Variants in SV2B observed in about 807,000 individuals in gnomAD.
SV2B encodes the protein solute carrier family 22 member B2.
SV2B carries 41 observed loss-of-function variants against 73.9 expected under a neutral mutation model. The observed-to-expected ratio is 0.56, with a 90% CI of 0.43 to 0.72. The LOEUF (loss-of-function observed/expected upper bound fraction) is 0.72. Among genes scored for constraint, SV2B ranks in the 30% least tolerant of loss-of-function variants. The pLI, the probability that SV2B is intolerant of heterozygous loss-of-function variation, is 0.00. For synonymous variants in SV2B, 314 were observed against 314.2 expected, an observed-to-expected ratio of 1.00 and a Z score of 0.01; for missense variants, 764 against 857.8, an observed-to-expected ratio of 0.89 and a Z score of 1.37.
At chr15:91,275,596 G>A (rs776625579) in intron 9 of SV2B, among the ~76,000 whole-genome samples, 15 of 152,188 alleles carry the variant, frequency 9.9e-5, no homozygotes, top group Non-Finnish European at 1.9e-4. Context: ...AGGCCAAGGT[G>A]GGCGGAATGC....
chr15:91,164,489 C>T (rs898469493), intron 1 of SV2B, among the ~76,000 whole-genome samples: 1 of 152,054 alleles, frequency 6.6e-6, no homozygotes, highest in Non-Finnish European at 1.5e-5. Context: ...TGTCTCTGAC[C>T]TCTACACCCA....
chr15:91,252,953 G>C lies in SV2B; in HGVS notation c.784+433G>C, dbSNP rs2047547659. On this transcript the variant is annotated intron_variant, in intron 4 of 12. Transcript: ENST00000394232. This position sits in a 1 kb window ranked among gnomAD's most constrained non-coding sequence, Gnocchi z 4.6. ...GGCCATGTCCCTGGCATGTGGTGGA[G>C]TGGGGGCTGGAGTCCTGATGTCCCC... Among the ~76,000 whole-genome samples, 4 of 152,210 alleles carry C rather than the reference G, an allele frequency of 2.6e-5. No homozygotes were observed. The highest frequency in any genetic ancestry group is 7.2e-5 in the African/African-American group (3 of 41,450).
rs1370991661 is a variant in SV2B at position 91,295,380 on chromosome 15, A to G, written c.*2828A>G. The G allele has an allele frequency of 6.6e-6, 1 of 152,248 alleles. No homozygotes were observed. The highest frequency in any genetic ancestry group is 2.4e-5 in the African/African-American group (1 of 41,456). The allele number at this position is 152,248 out of a possible 1,614,324, so 9.4% of individuals were successfully genotyped here. A position where few individuals can be genotyped will look rare whatever the true frequency, so the allele number is the denominator to read the frequency against. ...GTTCCCTCCTACGTTGTGTTAGTTC[A>G]TTAAAACTAAATAATAAAAATAACT... On this transcript the variant is annotated 3_prime_UTR_variant, in exon 13 of 13. Transcript: ENST00000394232.
At position 91,298,632 on chromosome 15, in the gene SV2B, C is replaced by T. The variant is rs1393676148; in HGVS notation, c.*6080C>T. The T allele has an allele frequency of 2.0e-5, 3 of 152,322 alleles. No homozygotes were observed. The East Asian group carries it at 5.8e-4, about 29-fold the overall frequency. 9.4% of individuals were successfully genotyped at this position (152,322 alleles called of 1,614,324 possible). ...AAGGTTCAGTTTATGAGCTGGAGCA[C>T]AAGGATTTACTGTCATTTCACCTGA... On this transcript the variant is annotated 3_prime_UTR_variant, in exon 13 of 13. Transcript: ENST00000394232. This position sits in a 1 kb window ranked among gnomAD's most constrained non-coding sequence, Gnocchi z 5.4.
intron 1 of SV2B, among the ~76,000 whole-genome samples, chr15:91,158,836 A>G (rs2043609344): frequency 6.6e-6 from 1 of 150,404 alleles, no homozygotes; most frequent in Non-Finnish European, 1.5e-5. Flanking sequence ...ATTTTGCACA[A>G]TGTTACCCCC....
intron 1 of SV2B, among the ~76,000 whole-genome samples, chr15:91,160,767 A>T (rs1181095623): frequency 1.3e-5 from 2 of 152,190 alleles, no homozygotes; most frequent in Non-Finnish European, 2.9e-5. Context: ...AAATCAGTGG[A>T]GTTACTGTTA....
intron 1 of SV2B, among the ~76,000 whole-genome samples, chr15:91,211,546 C>G (rs1274127337): frequency 1.3e-5 from 2 of 150,832 alleles, no homozygotes; most frequent in Non-Finnish European, 3.0e-5. Context: ...CTCTGTCGCC[C>G]AGGCTGGAGT....
intron 1 of SV2B, among the ~76,000 whole-genome samples, chr15:91,167,359 C>G (rs902317980): frequency 6.6e-6 from 1 of 152,148 alleles, no homozygotes; most frequent in Non-Finnish European, 1.5e-5. Context: ...CAAATTACCA[C>G]AAACTCTTGG....
chr15:91,260,930 C>T (rs890655786), intron 6 of SV2B, among the ~76,000 whole-genome samples: 3 of 152,182 alleles, frequency 2.0e-5, no homozygotes, highest in African/African-American at 7.2e-5. Flanking sequence ...TTAAAATTAT[C>T]TCCCACCATG....
chr15:91,159,409 G>A (rs2043630377), intron 1 of SV2B, among the ~76,000 whole-genome samples: 2 of 152,160 alleles, frequency 1.3e-5, no homozygotes, highest in South Asian at 4.1e-4. Flanking sequence ...CAGTAGCTTA[G>A]CATTGGGAAA....
intron 1 of SV2B, among the ~76,000 whole-genome samples, chr15:91,109,570 G>A (rs983580584): frequency 1.3e-5 from 2 of 152,146 alleles, no homozygotes; most frequent in Non-Finnish European, 1.5e-5. Context: ...CTGAGTGAGC[G>A]TGATTTGTTT....
chr15:91,286,732 G>A (rs2048872639), intron 11 of SV2B, among the ~76,000 whole-genome samples: 1 of 152,060 alleles, frequency 6.6e-6, no homozygotes, highest in Non-Finnish European at 1.5e-5. Context: ...TTTTAGAGAT[G>A]GGGACAGTGA....
chr15:91,258,657 A>T lies in SV2B; in HGVS notation c.918+103A>T. Reference sequence around the variant, plus strand: ...CCTAGTCCCACATCCTCTGCTGCTTATGTGTTGCAAACTCTCCCCTGGTCG... The same window carrying T: ...CCTAGTCCCACATCCTCTGCTGCTTTTGTGTTGCAAACTCTCCCCTGGTCG... On this transcript the variant is annotated intron_variant, in intron 5 of 12. Coordinates refer to ENST00000394232, the MANE Select transcript of SV2B (RefSeq NM_001323032.3). The surrounding 1 kb of genome is among the most constrained non-coding windows in gnomAD (Gnocchi z 4.7). 2.0e-6 allele frequency: 3 copies of T among 1,532,100 alleles called. No homozygotes were observed. The highest frequency in any genetic ancestry group is 2.6e-6 in the Non-Finnish European group (3 of 1,134,344). 94.9% of individuals were successfully genotyped at this position (1,532,100 alleles called of 1,614,324 possible).
chr15:91,259,521 T>G (rs2047830101), intron 5 of SV2B, among the ~76,000 whole-genome samples: 1 of 152,192 alleles, frequency 6.6e-6, no homozygotes, highest in Non-Finnish European at 1.5e-5. Context: ...ATGAGTGTCC[T>G]AGGGCTGCTG....
At chr15:91,278,038 C>T (rs188303603) in intron 9 of SV2B, among the ~76,000 whole-genome samples, 126 of 152,248 alleles carry the variant, frequency 8.3e-4, no homozygotes, top group African/African-American at 2.2e-3. Flanking sequence ...TATGTCCTTA[C>T]GCTATTTGGT....
intron 1 of SV2B, among the ~76,000 whole-genome samples, chr15:91,222,321 A>G (rs546992485): frequency 2.6e-5 from 4 of 152,258 alleles, no homozygotes; most frequent in East Asian, 1.9e-4. Context: ...TGTAAAGCAC[A>G]TGGTAAACTT....
In SV2B at chr15:91,251,850, C is replaced by T. The variant is rs201523826; in HGVS notation, c.483C>T (p.Gly161=). The T allele has an allele frequency of 7.6e-5, 122 of 1,613,834 alleles. No homozygotes were observed. The highest frequency in any genetic ancestry group is 4.2e-4 in the Admixed American group (25 of 59,986). Residue 161 remains glycine (G), a synonymous_variant, in exon 3 of 13, where the codon GGC becomes GGT. Transcript: ENST00000394232. Reference sequence around the variant, plus strand: ...TAGTCTACTTGGGAATGATGGCGGGCGCCTTCATCCTGGGAGGCCTGGCTG... The same window carrying T: ...TAGTCTACTTGGGAATGATGGCGGGTGCCTTCATCCTGGGAGGCCTGGCTG... ...GMIVYLGMMA[G]AFILGGLADK...
In SV2B at chr15:91,137,520, C is replaced by T. The variant is rs1010841666; in HGVS notation, c.-392+37157C>T. Among the ~76,000 whole-genome samples the T allele has an allele frequency of 2.0e-5, 3 of 149,900 alleles. No homozygotes were observed. The highest frequency in any genetic ancestry group is 1.3e-4 in the Admixed American group (2 of 15,014). On this transcript the variant is annotated intron_variant, in intron 1 of 12. Transcript: ENST00000394232. This position sits in a 1 kb window ranked among gnomAD's most constrained non-coding sequence, Gnocchi z 4.9. ...TTTACTTTGAGACTCAGAAATCTCA[C>T]TTATTAGATTTTATTCCAAAACTAC...
At chr15:91,179,272 T>C (rs2044452111) in intron 1 of SV2B, among the ~76,000 whole-genome samples, 1 of 152,190 alleles carries the variant, frequency 6.6e-6, no homozygotes, top group South Asian at 2.1e-4. Flanking sequence ...TTGTTATAAT[T>C]TCTGTTCTTT....
Sources: gnomAD v4.1 joint callset for allele counts (sites outside exome capture counted in the v4.1 genomes callset) on GRCh38, gnomAD v4.1.1 for gene constraint, Gnocchi (gnomAD v3.1) non-coding constraint, MANE v1.5 for transcripts, NCBI Gene and HGNC (gene_info 2026-07-23, HGNC 2026-07-21) for gene names.